LRRC4C: variants seen among roughly 807,000 people sequenced by gnomAD.
The protein encoded by LRRC4C is leucine-rich repeat-containing protein 4C.
A neutral mutation model predicts 33.6 loss-of-function variants in LRRC4C; 5 were observed. That is an observed-to-expected ratio of 0.15 (90% confidence interval 0.08 to 0.31). The LOEUF (loss-of-function observed/expected upper bound fraction) is 0.31. Among genes scored for constraint, LRRC4C ranks in the 10% least tolerant of loss-of-function variants. The pLI, the probability that LRRC4C is intolerant of heterozygous loss-of-function variation, is 1.00. For missense variants in LRRC4C, 560 were observed against 796.7 expected, an observed-to-expected ratio of 0.70 and a Z score of 3.58; for synonymous variants, 329 against 302.0, an observed-to-expected ratio of 1.09 and a Z score of -0.93.
At chr11:41,352,204 T>C (rs1212770776) in intron 1 of LRRC4C, among the ~76,000 whole-genome samples, 2 of 152,158 alleles carry the variant, frequency 1.3e-5, no homozygotes, top group East Asian at 1.9e-4. Flanking sequence ...AGAGCAGGCA[T>C]TGCTATTCTT....
chr11:40,632,161 G>C (rs934114489), intron 3 of LRRC4C, among the ~76,000 whole-genome samples: 1 of 152,148 alleles, frequency 6.6e-6, no homozygotes, highest in Non-Finnish European at 1.5e-5. Flanking sequence ...TTGTTAATCG[G>C]ATTGTGTTAA....
chr11:40,319,767 C>A, intron 3 of LRRC4C, 46 bp from the exon 4 acceptor site: 1 of 152,230 alleles, frequency 6.6e-6, no homozygotes, highest in Non-Finnish European at 1.5e-5. Flanking sequence ...TCATGCTATA[C>A]AAGTGAAAAC....
chr11:41,107,518 A>G (rs1251323304), intron 1 of LRRC4C, among the ~76,000 whole-genome samples: 1 of 152,156 alleles, frequency 6.6e-6, no homozygotes, highest in African/African-American at 2.4e-5. Context: ...AAGAATAAAA[A>G]TAAAAATGAA....
chr11:40,998,692 T>G lies in LRRC4C; in HGVS notation c.-495-64969A>C, dbSNP rs559024174. ...AATTCTATCAGCTTTCTGTATCATC[T>G]TTTTGGACAACAGTTTTGCTCCACT... On this transcript the variant is annotated intron_variant, in intron 1 of 6. Transcript: ENST00000528697. Among the ~76,000 whole-genome samples, 21 of 152,268 alleles carry G rather than the reference T, an allele frequency of 1.4e-4. No homozygotes were observed. In the South Asian group the frequency reaches 4.4e-3, roughly 32 times the overall value.
At chr11:40,307,186 T>A (rs1276717894) in intron 4 of LRRC4C, among the ~76,000 whole-genome samples, 1 of 152,136 alleles carries the variant, frequency 6.6e-6, no homozygotes, top group Non-Finnish European at 1.5e-5. Context: ...ACAATCAAAA[T>A]GTCTACAGAC....
At chr11:40,147,965 G>C (rs1432682822) in intron 5 of LRRC4C, among the ~76,000 whole-genome samples, 1 of 151,998 alleles carries the variant, frequency 6.6e-6, no homozygotes, top group Non-Finnish European at 1.5e-5. Context: ...TCATCATTTA[G>C]CTCCCACTTA....
intron 1 of LRRC4C, among the ~76,000 whole-genome samples, chr11:41,084,594 A>T (rs1352589166): frequency 6.6e-6 from 1 of 152,184 alleles, no homozygotes; most frequent in Non-Finnish European, 1.5e-5. Flanking sequence ...CACGCCTGTA[A>T]TCACAGCACT....
chr11:40,971,362 T>C lies in LRRC4C; in HGVS notation c.-495-37639A>G, dbSNP rs563078364. On this transcript the variant is annotated intron_variant, in intron 1 of 6. Transcript: ENST00000528697. ...CAGCCATGGGTCAAAGGAGCCCAGA[T>C]ACAGTTTGAGCTACTGCTTCAGAAG... 7.2e-5 allele frequency among the ~76,000 whole-genome samples: 11 copies of C among 152,214 alleles called. 1 individual carries two copies. The highest frequency in any genetic ancestry group is 1.2e-4 in the Non-Finnish European group (8 of 68,038).
intron 1 of LRRC4C, among the ~76,000 whole-genome samples, chr11:41,257,628 A>G (rs1289190060): frequency 6.6e-6 from 1 of 152,082 alleles, no homozygotes; most frequent in African/African-American, 2.4e-5. Context: ...TTTCCTGCCA[A>G]TGGGCATTAA....
chr11:40,820,031 A>T (rs1034405292), intron 2 of LRRC4C, among the ~76,000 whole-genome samples: 1 of 152,116 alleles, frequency 6.6e-6, no homozygotes, highest in African/African-American at 2.4e-5. Context: ...ACTTCATTTT[A>T]AAAAAGCAAA....
rs1565270461 is a variant in LRRC4C, at chr11:40,984,362, AAAAAGAAAG to A, written c.-495-50648_-495-50640del. Among the ~76,000 whole-genome samples the A allele has an allele frequency of 1.0e-3, 94 of 91,816 alleles. 1 individual carries two copies. Among genetic ancestry groups the A allele is most frequent in the Non-Finnish European group, 2.0e-3 (82 of 41,220 alleles). The allele number at this position is 91,816 out of a possible 152,430, so 60.2% of individuals were successfully genotyped here. A position where few individuals can be genotyped will look rare whatever the true frequency, so the allele number is the denominator to read the frequency against. On this transcript the variant is annotated intron_variant, in intron 1 of 6. Coordinates refer to ENST00000528697, the MANE Select transcript of LRRC4C (RefSeq NM_001258419.2). ...AGAAAGTAGGAAAGAGAAAGAAAGA[AAAAAGAAAG>A]AAAGAAAGAAAGAAAGAAAGAAAGA... is the stretch of plus-strand genomic sequence containing the variant.
chr11:41,079,892 C>A (rs1423508030), intron 1 of LRRC4C, among the ~76,000 whole-genome samples: 2 of 152,114 alleles, frequency 1.3e-5, no homozygotes, highest in Non-Finnish European at 2.9e-5. Flanking sequence ...GATTGGATAT[C>A]CCTGCTTTAG....
chr11:40,254,572 A>G (rs1173383462), intron 4 of LRRC4C, among the ~76,000 whole-genome samples: 1 of 152,206 alleles, frequency 6.6e-6, no homozygotes, highest in Non-Finnish European at 1.5e-5. Context: ...TTTTAAAAAC[A>G]TGATACACAT....
intron 3 of LRRC4C, among the ~76,000 whole-genome samples, chr11:40,436,054 T>A (rs1195543786): frequency 6.6e-6 from 1 of 152,230 alleles, no homozygotes; most frequent in Non-Finnish European, 1.5e-5. Flanking sequence ...TTAATTTTCT[T>A]GTTCAAGCCC....
At chr11:41,430,524 G>A (rs906060571) in intron 1 of LRRC4C, among the ~76,000 whole-genome samples, 2 of 152,050 alleles carry the variant, frequency 1.3e-5, no homozygotes, top group African/African-American at 4.8e-5. Context: ...GGGGATTGTG[G>A]CAACATACTG....
At chr11:41,241,777 G>A (rs765638944) in intron 1 of LRRC4C, among the ~76,000 whole-genome samples, 53 of 152,044 alleles carry the variant, frequency 3.5e-4, no homozygotes, top group Non-Finnish European at 6.6e-4. Context: ...TGTGGCGACC[G>A]GTCTATCTTT....
chr11:40,781,349 A>T (rs934670641), intron 2 of LRRC4C, among the ~76,000 whole-genome samples: 3 of 152,176 alleles, frequency 2.0e-5, no homozygotes, highest in Admixed American at 1.3e-4. Flanking sequence ...ATATACAAAA[A>T]TATTTACAAA....
At chr11:40,909,446 C>T (rs1209232795) in intron 2 of LRRC4C, among the ~76,000 whole-genome samples, 2 of 151,948 alleles carry the variant, frequency 1.3e-5, no homozygotes, top group African/African-American at 4.8e-5. Context: ...AGCAAAGAAA[C>T]ATACAAAAAC....
chr11:41,338,941 A>G (rs1160558673), intron 1 of LRRC4C, among the ~76,000 whole-genome samples: 1 of 152,164 alleles, frequency 6.6e-6, no homozygotes, highest in Non-Finnish European at 1.5e-5. Flanking sequence ...GCTTGCTACT[A>G]GAATAAAATA....
Sources: allele counts gnomAD v4.1 joint callset (sites outside exome capture counted in the v4.1 genomes callset), GRCh38; gene constraint gnomAD v4.1.1; transcripts MANE v1.5; gene names NCBI Gene and HGNC (gene_info 2026-07-23, HGNC 2026-07-21).